RPAP2: variants seen among roughly 807,000 people sequenced by gnomAD.
RPAP2 encodes RNA polymerase II associated protein 2.
A neutral mutation model predicts 73.1 loss-of-function variants in RPAP2; 52 were observed. That is an observed-to-expected ratio of 0.71 (90% CI 0.57 to 0.90). The LOEUF (loss-of-function observed/expected upper bound fraction) is 0.90. Among genes scored for constraint, RPAP2 ranks in the 40% least tolerant of loss-of-function variants. The pLI is 0.00. For missense variants in RPAP2, 598 were observed against 701.8 expected (o/e 0.85, Z 1.67); for synonymous variants, 225 against 242.1 (o/e 0.93, Z 0.65).
intron 11 of RPAP2, among the ~76,000 whole-genome samples, chr1:92,364,299 G>C (rs990682727): frequency 8.5e-5 from 13 of 152,136 alleles, no homozygotes; most frequent in South Asian, 2.1e-4. Flanking sequence ...GTTTTGCTAG[G>C]TAGAAAAGCT....
At chr1:92,368,118 A>C (rs780361607) in intron 11 of RPAP2, among the ~76,000 whole-genome samples, 92 of 152,296 alleles carry the variant, frequency 6.0e-4, no homozygotes, top group Non-Finnish European at 1.2e-3. Context: ...AGAATGGGGA[A>C]GGCCACTTAA....
At chr1:92,341,790 A>G (rs1191829716) in intron 10 of RPAP2, among the ~76,000 whole-genome samples, 2 of 152,140 alleles carry the variant, frequency 1.3e-5, no homozygotes, top group Non-Finnish European at 2.9e-5. Context: ...GATTACAGGC[A>G]TGCGCCACCA....
chr1:92,300,985 G>A (rs940122544), intron 2 of RPAP2, among the ~76,000 whole-genome samples: 3 of 152,182 alleles, frequency 2.0e-5, no homozygotes, highest in Admixed American at 6.5e-5. Flanking sequence ...GTGATGTTAC[G>A]AGAAGGAATA....
At chr1:92,303,579 A>C (rs1278087062) in intron 3 of RPAP2, among the ~76,000 whole-genome samples, 1 of 152,224 alleles carries the variant, frequency 6.6e-6, no homozygotes, top group Non-Finnish European at 1.5e-5. Context: ...AAAAATAGGT[A>C]AAATTATATT....
chr1:92,347,853 G>C, intron 11 of RPAP2, among the ~76,000 whole-genome samples: 1 of 152,102 alleles, frequency 6.6e-6, no homozygotes, highest in East Asian at 1.9e-4. Context: ...TTGAATTCAC[G>C]GAACAAATTG....
chr1:92,358,718 G>A (rs529639194), intron 11 of RPAP2, among the ~76,000 whole-genome samples: 113 of 151,930 alleles, frequency 7.4e-4, no homozygotes, highest in Middle Eastern at 3.4e-3. Flanking sequence ...CTCCCGTGCA[G>A]CTGGGACCAT....
At chr1:92,335,220 A>G (rs1166701095) in intron 9 of RPAP2, among the ~76,000 whole-genome samples, 1 of 152,108 alleles carries the variant, frequency 6.6e-6, no homozygotes, top group East Asian at 1.9e-4. Context: ...TGACATTTGG[A>G]TTATGCCACT....
rs1370788141 is a variant in RPAP2, at chr1:92,392,403, T to A, written c.*5392T>A. The A allele has an allele frequency of 1.3e-5, 2 of 152,102 alleles. No individual in the cohort carries two copies. Among genetic ancestry groups the A allele is most frequent in the African/African-American group, 4.8e-5 (2 of 41,412 alleles). 9.4% of individuals were successfully genotyped at this position (152,102 alleles called of 1,614,324 possible). On this transcript the variant is annotated 3_prime_UTR_variant, in exon 13 of 13. Transcript: ENST00000610020. ...GTATCTCAATATAATAAGAGGTTAT[T>A]TATGACAAACCCACAGCCAATAGCA... is the stretch of plus-strand genomic sequence containing the variant.
intron 11 of RPAP2, among the ~76,000 whole-genome samples, chr1:92,355,006 G>A (rs1008749185): frequency 2.0e-5 from 3 of 151,254 alleles, no homozygotes; most frequent in African/African-American, 7.3e-5. Context: ...TCAAGCAATC[G>A]TCCCACCTCA....
intron 11 of RPAP2, among the ~76,000 whole-genome samples, chr1:92,349,745 T>C (rs1353473831): frequency 1.3e-5 from 2 of 152,052 alleles, no homozygotes; most frequent in Non-Finnish European, 2.9e-5. Context: ...CTGAGCAACA[T>C]AGTGAGACCC....
intron 11 of RPAP2, among the ~76,000 whole-genome samples, chr1:92,346,168 TG>T (rs1358787888): frequency 6.8e-6 from 1 of 147,306 alleles, no homozygotes; most frequent in Non-Finnish European, 1.5e-5. Flanking sequence ...ATCTCTTTTT[TG>T]TTTTTTTTTT....
At chr1:92,309,782 A>T (rs1371367585) in intron 6 of RPAP2, among the ~76,000 whole-genome samples, 8 of 152,248 alleles carry the variant, frequency 5.3e-5, no homozygotes, top group Admixed American at 6.5e-5. Context: ...GTGAGAAAAT[A>T]AACTTGTGGG....
At chr1:92,330,448 T>C (rs1652896972) in intron 8 of RPAP2, among the ~76,000 whole-genome samples, 1 of 137,746 alleles carries the variant, frequency 7.3e-6, no homozygotes, top group Admixed American at 7.2e-5. Flanking sequence ...AATTTTTTTT[T>C]TTTTTTTTTT....
chr1:92,379,732 C>T (rs1033667479), intron 11 of RPAP2, among the ~76,000 whole-genome samples: 6 of 150,562 alleles, frequency 4.0e-5, no homozygotes, highest in African/African-American at 1.2e-4. Context: ...GTCAGGAGTT[C>T]GAGACCAGCC....
intron 3 of RPAP2, 95 bp from the exon 4 acceptor site, chr1:92,303,882 C>A: frequency 1.4e-6 from 1 of 740,312 alleles, no homozygotes; most frequent in South Asian, 2.2e-5. Context: ...TATTGCTATC[C>A]CTGTGTTTTC....
At chr1:92,381,531 G>A (rs987823678) in intron 12 of RPAP2, among the ~76,000 whole-genome samples, 1 of 148,224 alleles carries the variant, frequency 6.7e-6, no homozygotes, top group East Asian at 2.0e-4. Flanking sequence ...CTGATTTAAT[G>A]TTATAATTGA....
At chr1:92,314,918 G>A (rs1207971509) in intron 6 of RPAP2, among the ~76,000 whole-genome samples, 2 of 149,488 alleles carry the variant, frequency 1.3e-5, no homozygotes, top group African/African-American at 2.5e-5. Flanking sequence ...GGTGGCTCAC[G>A]CCTGTAATCC....
At chr1:92,300,688 G>T (rs1373893321) in intron 2 of RPAP2, among the ~76,000 whole-genome samples, 1 of 152,194 alleles carries the variant, frequency 6.6e-6, no homozygotes, top group Non-Finnish European at 1.5e-5. Context: ...TCTAGAAGAG[G>T]AGTAGAATGT....
At position 92,387,326 on chromosome 1, in the gene RPAP2, AATG is replaced by A. The variant is rs765100722; in HGVS notation, c.*318_*320del. 165 of 196,222 alleles carry A rather than the reference AATG, an allele frequency of 8.4e-4. 1 individual carries two copies. The highest frequency in any genetic ancestry group is 1.3e-3 in the Non-Finnish European group (129 of 97,506). The allele number at this position is 196,222 out of a possible 1,614,324, so 12.2% of individuals were successfully genotyped here. On this transcript the variant is annotated 3_prime_UTR_variant, in exon 13 of 13. Coordinates refer to ENST00000610020, the MANE Select transcript of RPAP2 (RefSeq NM_024813.3). The stretch of plus-strand genomic sequence containing the variant: ...CTTGAATGAATATTCAAGAAAATAT[AATG>A]ATCTCTACTTTTTCTGGATGATTTC...
Sources: gnomAD v4.1 joint callset for allele counts (sites outside exome capture counted in the v4.1 genomes callset) on GRCh38, gnomAD v4.1.1 for gene constraint, MANE v1.5 for transcripts, NCBI Gene and HGNC (gene_info 2026-07-23, HGNC 2026-07-21) for gene names.